MGA: variants seen among roughly 807,000 people sequenced by gnomAD.
MGA encodes the protein MAX dimerization protein MGA.
A neutral mutation model predicts 261.1 loss-of-function variants in MGA; 40 were observed. The observed-to-expected ratio is 0.15, with a 90% CI of 0.12 to 0.20. MGA has a LOEUF of 0.20. MGA is among the 10% of genes least tolerant of loss of function. The pLI is 1.00. For synonymous variants in MGA, 1,302 were observed against 1,290.6 expected, an observed-to-expected ratio of 1.01 and a Z score of -0.19; for missense variants, 3,397 against 3,630.5, an observed-to-expected ratio of 0.94 and a Z score of 1.65.
intron 5 of MGA, among the ~76,000 whole-genome samples, chr15:41,702,261 T>C (rs929558863): frequency 6.6e-6 from 1 of 151,294 alleles, no homozygotes; most frequent in Non-Finnish European, 1.5e-5. Context: ...AGGCGGAGCT[T>C]GCAGTGAGCC....
intron 22 of MGA, 113 bp downstream of exon 22, chr15:41,762,475 T>TTTTTTG (rs1438593499): frequency 4.2e-6 from 3 of 721,376 alleles, no homozygotes; most frequent in Non-Finnish European, 6.4e-6. Context: ...TTTTTTTTTT[T>TTTTTTG]TTTTTTTTTT....
intron 1 of MGA, among the ~76,000 whole-genome samples, chr15:41,649,060 T>C (rs2056988372): frequency 6.6e-6 from 1 of 152,046 alleles, no homozygotes; most frequent in Non-Finnish European, 1.5e-5. Context: ...GTACTGTTGA[T>C]AGAATCTTAG....
At chr15:41,731,435 C>G (rs1050336837) in intron 11 of MGA, among the ~76,000 whole-genome samples, 3 of 151,892 alleles carry the variant, frequency 2.0e-5, no homozygotes, top group African/African-American at 7.2e-5. Context: ...CATAAAAACT[C>G]TTTAAAATAA....
intron 9 of MGA, among the ~76,000 whole-genome samples, chr15:41,724,920 A>G (rs1325943516): frequency 6.6e-6 from 1 of 152,152 alleles, no homozygotes; most frequent in Non-Finnish European, 1.5e-5. Context: ...GTTGTTATTA[A>G]TGTTCAGAGC....
chr15:41,711,401 G>A (rs544890685), intron 8 of MGA, 52 bp downstream of exon 8: 40 of 1,494,026 alleles, frequency 2.7e-5, no homozygotes, highest in Middle Eastern at 1.8e-4. Flanking sequence ...TAGAAAGAGC[G>A]AGGTTAGTGA....
chr15:41,690,582 C>T (rs2059224702), intron 2 of MGA, among the ~76,000 whole-genome samples: 3 of 152,000 alleles, frequency 2.0e-5, no homozygotes, highest in South Asian at 4.2e-4. Flanking sequence ...TGACTGGGCA[C>T]GGTGGATCAT....
chr15:41,632,398 T>C (rs562243424), intron 1 of MGA, among the ~76,000 whole-genome samples: 3 of 152,264 alleles, frequency 2.0e-5, no homozygotes, highest in African/African-American at 7.2e-5. Context: ...GCTTTGATCT[T>C]TAACAGCACC....
At chr15:41,671,063 C>T (rs2058032636) in intron 2 of MGA, among the ~76,000 whole-genome samples, 1 of 152,198 alleles carries the variant, frequency 6.6e-6, no homozygotes, top group Non-Finnish European at 1.5e-5. Flanking sequence ...AACTAAGGGA[C>T]TTGAGTATCC....
chr15:41,752,189 C>T (rs2062871842), intron 17 of MGA: 1 of 152,124 alleles, frequency 6.6e-6, no homozygotes, highest in African/African-American at 2.4e-5. Flanking sequence ...CCTGCCACCG[C>T]CCCAGCTAAT....
At chr15:41,655,820 A>G (rs1384850125), upstream of MGA, among the ~76,000 whole-genome samples, 1 of 152,210 alleles carries the variant, frequency 6.6e-6, no homozygotes, top group Non-Finnish European at 1.5e-5. Context: ...CCCTTTGGGA[A>G]ATGTTTGCCA....
intron 1 of MGA, among the ~76,000 whole-genome samples, chr15:41,626,012 T>G (rs1287215500): frequency 6.6e-6 from 1 of 152,170 alleles, no homozygotes; most frequent in Non-Finnish European, 1.5e-5. Context: ...TTGTAATATT[T>G]TATTAGTTTT....
At chr15:41,705,682 T>A (rs1421395512) in intron 5 of MGA, among the ~76,000 whole-genome samples, 1 of 152,192 alleles carries the variant, frequency 6.6e-6, no homozygotes. Flanking sequence ...CTTTTATCTC[T>A]CTGAGATCAC....
rs552900625 is a variant in MGA at position 41,661,132 on chromosome 15, T to C, written c.-68+607T>C. ...AGGGCGAGGAAGTGAGCTGTAGGAG[T>C]GGGGACTTGGTAAACAAAGGACCGG... On this transcript the variant is annotated intron_variant, in intron 1 of 23. Transcript: ENST00000219905. Among the ~76,000 whole-genome samples, 3 of 152,016 alleles carry C rather than the reference T, an allele frequency of 2.0e-5. No homozygotes were observed. The East Asian group carries it at 5.8e-4, about 29-fold the overall frequency.
In MGA at chr15:41,699,175, C is replaced by A. The variant is rs747743824; in HGVS notation, c.2188+16C>A. On this transcript the variant is annotated intron_variant, in intron 5 of 23. Coordinates refer to ENST00000219905, the MANE Select transcript of MGA (RefSeq NM_001164273.2). ...CTTCAAGAAGGTAATAGACTAGCGA[C>A]TTCTTTTTTTTTGTTTTCTTTTTTT... is the stretch of plus-strand genomic sequence containing the variant. 1.1e-5 allele frequency: 17 copies of A among 1,492,526 alleles called. No individual in the cohort carries two copies. The highest frequency in any genetic ancestry group is 2.4e-5 in the Admixed American group (1 of 41,374). The allele number at this position is 1,492,526 out of a possible 1,614,324, so 92.5% of individuals were successfully genotyped here.
chr15:41,673,707 T>C (rs1373739564), intron 2 of MGA, among the ~76,000 whole-genome samples: 3 of 151,224 alleles, frequency 2.0e-5, no homozygotes, highest in Non-Finnish European at 4.4e-5. Context: ...CATGCCTGGC[T>C]AAGTTTTGTA....
At chr15:41,691,021 C>T (rs1454196076) in intron 2 of MGA, among the ~76,000 whole-genome samples, 22 of 127,410 alleles carry the variant, frequency 1.7e-4, no homozygotes, top group South Asian at 2.5e-4. Flanking sequence ...TTGGTGGCTC[C>T]CTTGCATTTT....
In MGA at chr15:41,764,882, A is replaced by G. The variant is rs1188600466; in HGVS notation, c.7745-4A>G. Reference sequence around the variant, plus strand: ...CTATAACTAATTTCTGATCTTTCTTACAGAAAATACCTCACCCTTGAACAC... The same window carrying G: ...CTATAACTAATTTCTGATCTTTCTTGCAGAAAATACCTCACCCTTGAACAC... On this transcript the variant is annotated splice_region_variant and splice_polypyrimidine_tract_variant and intron_variant, in intron 22 of 23. Transcript: ENST00000219905. 5.0e-6 allele frequency: 8 copies of G among 1,613,464 alleles called. No homozygotes were observed. The highest frequency in any genetic ancestry group is 1.3e-5 in the African/African-American group (1 of 74,890).
chr15:41,658,403 T>C (rs1042708439), upstream of MGA, among the ~76,000 whole-genome samples: 3 of 152,196 alleles, frequency 2.0e-5, no homozygotes, highest in Non-Finnish European at 4.4e-5. Context: ...ATGAGAATGC[T>C]GCATTAAAAG....
At chr15:41,764,221 G>C (rs1047555841) in intron 22 of MGA, among the ~76,000 whole-genome samples, 1 of 150,460 alleles carries the variant, frequency 6.6e-6, no homozygotes, top group Non-Finnish European at 1.5e-5. Context: ...GGATAGCCCA[G>C]TGTATGAGCC....
Sources: gnomAD v4.1 joint callset for allele counts (sites outside exome capture counted in the v4.1 genomes callset) on GRCh38, gnomAD v4.1.1 for gene constraint, MANE v1.5 for transcripts, NCBI Gene and HGNC (gene_info 2026-07-23, HGNC 2026-07-21) for gene names.